The following UBTF variants were observed in gnomAD, a reference collection of about 807,000 sequenced individuals.
The protein encoded by UBTF is nucleolar transcription factor 1.
UBTF carries 8 observed loss-of-function variants against 112.3 expected under a neutral mutation model. The observed-to-expected ratio is 0.07, with a 90% CI of 0.04 to 0.13. UBTF has a LOEUF of 0.13. Among genes scored for constraint, UBTF ranks in the 10% least tolerant of loss-of-function variants. The pLI, the probability that UBTF is intolerant of heterozygous loss-of-function variation, is 1.00. For synonymous variants in UBTF, 417 were observed against 373.1 expected (o/e 1.12, Z -1.36); for missense variants, 457 against 982.1 (o/e 0.47, Z 7.15).
At chr17:44,209,097 AGGTGG>A in intron 17 of UBTF, 1 of 280,630 alleles carries the variant, frequency 3.6e-6, no homozygotes, top group Non-Finnish European at 6.3e-6. Context: ...TGAACCTGGG[AGGTGG>A]AGGTTGCAGT....
chr17:44,215,308 T>A (rs2046792429), intron 5 of UBTF: 1 of 236,374 alleles, frequency 4.2e-6, no homozygotes, highest in Non-Finnish European at 8.3e-6. Context: ...AATGAGACCA[T>A]GACGGGAAAC....
chr17:44,212,577 C>G, intron 7 of UBTF, 123 bp from the exon 8 acceptor site: 1 of 1,044,782 alleles, frequency 9.6e-7, no homozygotes, highest in South Asian at 1.5e-5. Flanking sequence ...GTGTCCCCCA[C>G]AGGCCAGGAG....
Position 44,210,127 on chromosome 17 carries a change from A to G in UBTF, c.1623T>C (p.Tyr541=). 6 of 1,614,130 alleles carry G rather than the reference A, an allele frequency of 3.7e-6. No individual in the cohort carries two copies. Among genetic ancestry groups the G allele is most frequent in the South Asian group, 1.1e-5 (1 of 91,088 alleles). Residue 541 remains tyrosine (Y), a synonymous_variant, in exon 15 of 21, where the codon TAT becomes TAC. Coordinates refer to ENST00000436088, the MANE Select transcript of UBTF (RefSeq NM_014233.4). ...GTGGCCCCAGCCCCATTCCTACCTC[A>G]TATCGCTTTTGGTCTTCGGCTGCCT... ...IKKAAEDQKR[Y]ERELSEMRAP...
upstream of UBTF, among the ~76,000 whole-genome samples, chr17:44,220,208 C>T (rs1383733516): frequency 6.6e-6 from 1 of 151,836 alleles, no homozygotes; most frequent in Admixed American, 6.5e-5. Context: ...TAGCAGGCTT[C>T]GCCGGCGAGG....
At chr17:44,212,505 G>T in intron 7 of UBTF, 51 bp from the exon 8 acceptor site, 1 of 1,049,222 alleles carries the variant, frequency 9.5e-7, no homozygotes. Flanking sequence ...GGCAGGGGGA[G>T]GGGGGAAGGG....
chr17:44,220,090 G>A (rs1198201171), upstream of UBTF, among the ~76,000 whole-genome samples: 9 of 147,854 alleles, frequency 6.1e-5, no homozygotes, highest in South Asian at 4.3e-4. Flanking sequence ...GGGGAAGGGG[G>A]GGGGGGCCGG....
chr17:44,215,370 T>C (rs2046796935), intron 5 of UBTF: 2 of 438,862 alleles, frequency 4.6e-6, no homozygotes, highest in Non-Finnish European at 8.3e-6. Flanking sequence ...GATGGGTGTA[T>C]GGGGGAGAGA....
At chr17:44,221,097 AAT>A (rs957450556), upstream of UBTF, 3 of 112,298 alleles carry the variant, frequency 2.7e-5, no homozygotes, top group African/African-American at 6.4e-5. Flanking sequence ...GCACAAAAAA[AAT>A]TTTTTTTTTT....
rs913487327 is a variant in UBTF at position 44,205,780 on chromosome 17, C to T, written c.*1462G>A. On this transcript the variant is annotated 3_prime_UTR_variant, in exon 21 of 21. Transcript: ENST00000436088. Reference sequence around the variant, plus strand: ...AGTGACATGACCATAAAAAAGAACCCCCCAAATTTAGTCAACAAAAAAATA... The same window carrying T: ...AGTGACATGACCATAAAAAAGAACCTCCCAAATTTAGTCAACAAAAAAATA... 5 of 152,174 alleles carry T rather than the reference C, an allele frequency of 3.3e-5. No individual in the cohort carries two copies. The highest frequency in any genetic ancestry group is 7.3e-5 in the Non-Finnish European group (5 of 68,030). 9.4% of individuals were successfully genotyped at this position (152,174 alleles called of 1,614,324 possible).
rs528650850 is a variant in UBTF, at chr17:44,217,595, G to C, written c.58+577C>G. 5.3e-5 allele frequency among the ~76,000 whole-genome samples: 8 copies of C among 152,300 alleles called. No individual in the cohort carries two copies. The South Asian group carries it at 1.7e-3, about 32-fold the overall frequency. ...ACCTGGGCCAGAGATTCTGCAGAATGGGCCACGTGGACCCATAATCCCCTC... is the reference window on the plus strand; with the variant it reads ...ACCTGGGCCAGAGATTCTGCAGAATCGGCCACGTGGACCCATAATCCCCTC... On this transcript the variant is annotated intron_variant, in intron 2 of 20. Coordinates refer to ENST00000436088, the MANE Select transcript of UBTF (RefSeq NM_014233.4).
chr17:44,209,879 C>G, intron 15 of UBTF, 146 bp from the exon 16 acceptor site: 2 of 886,158 alleles, frequency 2.3e-6, no homozygotes, highest in Non-Finnish European at 3.5e-6. Context: ...AACTTCCTAA[C>G]AGCTCACGTC....
At chr17:44,217,167 G>A (rs1305466659) in intron 2 of UBTF, among the ~76,000 whole-genome samples, 1 of 152,178 alleles carries the variant, frequency 6.6e-6, no homozygotes, top group Non-Finnish European at 1.5e-5. Flanking sequence ...CTGAGAATGG[G>A]GTGTGGACAG....
At chr17:44,219,144 C>T (rs1157811595) in intron 1 of UBTF, 2 of 150,612 alleles carry the variant, frequency 1.3e-5, no homozygotes, top group Non-Finnish European at 3.0e-5. Context: ...GGACGGCGGC[C>T]GGGAGGCGGG....
At chr17:44,219,789 A>C (rs2047078417), upstream of UBTF, 1 of 142,696 alleles carries the variant, frequency 7.0e-6, no homozygotes. Flanking sequence ...AGGAGGAGGG[A>C]GAAGGGAGGA....
upstream of UBTF, chr17:44,221,013 C>G (rs967302425): frequency 1.3e-5 from 2 of 151,136 alleles, no homozygotes; most frequent in African/African-American, 2.4e-5. Context: ...CCGGGCCACC[C>G]CGGCCTCGCC....
chr17:44,216,518 G>A lies in UBTF; in HGVS notation c.234+11C>T. On this transcript the variant is annotated intron_variant, in intron 3 of 20. Coordinates refer to ENST00000436088, the MANE Select transcript of UBTF (RefSeq NM_014233.4). ...GGTATGTGTGTATGTCAGAAAAGGGGGATCAGTTACCTCATTAGAAATCTC... is the reference window on the plus strand; with the variant it reads ...GGTATGTGTGTATGTCAGAAAAGGGAGATCAGTTACCTCATTAGAAATCTC... The A allele has an allele frequency of 1.2e-6, 2 of 1,613,768 alleles. No homozygotes were observed. The highest frequency in any genetic ancestry group is 1.7e-6 in the Non-Finnish European group (2 of 1,179,690).
chr17:44,213,067 GTC>G (rs916745156), intron 6 of UBTF, 128 bp from the exon 7 acceptor site: 2 of 1,537,390 alleles, frequency 1.3e-6, no homozygotes, highest in African/African-American at 1.5e-5. Flanking sequence ...CTGCCTGCCT[GTC>G]TCTGTCCCTG....
chr17:44,218,908 C>G (rs1218548805), intron 1 of UBTF: 1 of 151,442 alleles, frequency 6.6e-6, no homozygotes, highest in Non-Finnish European at 1.5e-5. Flanking sequence ...CCCGCACAGG[C>G]GGGCAAGCAG....
In UBTF at chr17:44,209,645, A is replaced by G; in HGVS notation, c.1715T>C (p.Met572Thr). The G allele has an allele frequency of 1.2e-6, 2 of 1,614,158 alleles. No homozygotes were observed. Among genetic ancestry groups the G allele is most frequent in the East Asian group, 2.2e-5 (1 of 44,880 alleles). Residue 572 changes from methionine (M) to threonine (T), a missense_variant and splice_region_variant, in exon 16 of 21, where the codon ATG becomes ACG. Transcript: ENST00000436088. ...GGCAGACTCCAACCCCCAGGCTCAC[A>G]TGGGAGGCTTCTTGGGTTCTCCCTG... The part of the protein sequence containing the change: ...KFQGEPKKPP[M>T]NGYQKFSQEL...
Sources: allele counts gnomAD v4.1 joint callset (sites outside exome capture counted in the v4.1 genomes callset), GRCh38; gene constraint gnomAD v4.1.1; transcripts MANE v1.5; gene names NCBI Gene and HGNC (gene_info 2026-07-23, HGNC 2026-07-21).